TMEM62: variants seen among roughly 807,000 people sequenced by gnomAD.
TMEM62 encodes transmembrane protein 62.
Under a neutral mutation model 70.4 loss-of-function variants are expected in TMEM62, and 41 were observed. The ratio of observed to expected loss-of-function variants is 0.58; its 90% CI spans 0.45 to 0.76. The LOEUF (loss-of-function observed/expected upper bound fraction) is 0.76. Among genes scored for constraint, TMEM62 ranks in the 30% least tolerant of loss-of-function variants. The probability of loss-of-function intolerance (pLI) is 0.00; values close to 1 mark genes in which losing one functional copy is unlikely to be tolerated. For missense variants in TMEM62, 688 were observed against 788.5 expected (o/e 0.87, Z 1.53); for synonymous variants, 268 against 291.0 (o/e 0.92, Z 0.80).
intron 9 of TMEM62, among the ~76,000 whole-genome samples, chr15:43,157,680 A>G (rs1596282139): frequency 6.6e-6 from 1 of 152,260 alleles, no homozygotes; most frequent in African/African-American, 2.4e-5. Flanking sequence ...CCCTCCCTGC[A>G]CCATGATGTC....
intron 9 of TMEM62, chr15:43,160,377 C>A: frequency 4.8e-6 from 1 of 208,102 alleles, no homozygotes; most frequent in Non-Finnish European, 9.6e-6. Context: ...ATAGCAAGAC[C>A]CCATCTCTAA....
chr15:43,146,618 T>C lies in TMEM62; in HGVS notation c.602T>C (p.Phe201Ser). 6.2e-7 allele frequency: 1 copy of C among 1,605,810 alleles called. No individual in the cohort carries two copies. The highest frequency in any genetic ancestry group is 8.5e-7 in the Non-Finnish European group (1 of 1,177,744). ...GGGCCTAAGAGACCCTATAATTTCT[T>C]TGGAATTTTAGATAAGGTGCAGTAA... ...NPGPKRPYNF[F>S]GILDKKKMEE... The change falls in exon 5 of 14, where the codon TTT (phenylalanine) becomes TCT (serine). Residue 201 changes from phenylalanine to serine, a missense_variant. Coordinates refer to ENST00000260403, the MANE Select transcript of TMEM62 (RefSeq NM_024956.4).
rs763636145 is a variant in TMEM62, at chr15:43,160,704, T to G, written c.1206T>G (p.Ser402Arg). The G allele has an allele frequency of 1.2e-6, 2 of 1,610,750 alleles. No individual in the cohort carries two copies. Residue 402 changes from serine to arginine, a missense_variant, in exon 10 of 14, where the codon AGT becomes AGG. Ser to Arg is a moderately radical substitution (Grantham distance 110). Transcript: ENST00000260403. ...AGGATTCTGCTGGAAGAAGTAAGAGTGTTCACCACATATTTTCTGTTCAAG... is the reference window on the plus strand; with the variant it reads ...AGGATTCTGCTGGAAGAAGTAAGAGGGTTCACCACATATTTTCTGTTCAAG... ...IVQDSAGRSKSVHHIFSVQEN... is the reference protein window; with the variant it reads ...IVQDSAGRSKRVHHIFSVQEN...
In TMEM62 at chr15:43,184,675, A is replaced by G. The variant is rs1001604468; in HGVS notation, c.*89A>G. The G allele has an allele frequency of 1.2e-5, 15 of 1,231,414 alleles. No individual in the cohort carries two copies. The African/African-American group carries it at 2.1e-4, about 17-fold the overall frequency. 76.3% of individuals were successfully genotyped at this position (1,231,414 alleles called of 1,614,324 possible). A position where few individuals can be genotyped will look rare whatever the true frequency, so the allele number is the denominator to read the frequency against. ...CTACCCCAGTAGCAGGTGGAGGGCCAGGATTGGTGGGTGAGCTTTAGGGAG... is the reference window on the plus strand; with the variant it reads ...CTACCCCAGTAGCAGGTGGAGGGCCGGGATTGGTGGGTGAGCTTTAGGGAG... On this transcript the variant is annotated 3_prime_UTR_variant, in exon 14 of 14. Transcript: ENST00000260403.
At chr15:43,155,188 C>T (rs2037894940) in intron 9 of TMEM62, among the ~76,000 whole-genome samples, 1 of 152,160 alleles carries the variant, frequency 6.6e-6, no homozygotes, top group African/African-American at 2.4e-5. Context: ...TGAGATTGCA[C>T]CACTGCACTC....
chr15:43,150,054 A>AC (rs769930205), intron 7 of TMEM62, among the ~76,000 whole-genome samples: 21 of 152,328 alleles, frequency 1.4e-4, no homozygotes, highest in Non-Finnish European at 2.8e-4. Flanking sequence ...TTTAATTTAC[A>AC]CAAACCCTGT....
intron 11 of TMEM62, among the ~76,000 whole-genome samples, chr15:43,173,392 T>A (rs1567233538): frequency 6.6e-6 from 1 of 152,202 alleles, no homozygotes; most frequent in Non-Finnish European, 1.5e-5. Context: ...CATCCATAGA[T>A]CACTTCTGTA....
intron 4 of TMEM62, 90 bp downstream of exon 4, chr15:43,138,709 A>G: frequency 8.8e-7 from 1 of 1,141,386 alleles, no homozygotes; most frequent in Non-Finnish European, 1.3e-6. Flanking sequence ...AAAACTTTAA[A>G]AAAACATTTT....
intron 12 of TMEM62, chr15:43,180,530 A>T (rs2041232391): frequency 6.6e-6 from 1 of 152,204 alleles, no homozygotes; most frequent in South Asian, 2.1e-4. Context: ...AATGACAATA[A>T]TAATAATAAT....
chr15:43,138,972 T>C (rs2035622853), intron 4 of TMEM62, among the ~76,000 whole-genome samples: 1 of 152,268 alleles, frequency 6.6e-6, no homozygotes, highest in Non-Finnish European at 1.5e-5. Flanking sequence ...TTCTGTTTCA[T>C]ATACAGGCAT....
At chr15:43,141,447 G>A (rs2035993296) in intron 4 of TMEM62, among the ~76,000 whole-genome samples, 2 of 152,334 alleles carry the variant, frequency 1.3e-5, no homozygotes, top group South Asian at 4.1e-4. Context: ...CCACTATTGA[G>A]AACTACTGCT....
In TMEM62 at chr15:43,133,932, C is replaced by A; in HGVS notation, c.130C>A (p.Pro44Thr). ...GCCGCGCCCCGCGCCCCCCAGGAGG[C>A]CGCACCCTGCGCCAGGGCCCGGAGA... ...PLPRPAPPRRPHPAPGPGDSN... is the reference protein window; with the variant it reads ...PLPRPAPPRRTHPAPGPGDSN... The change falls in exon 1 of 14, where the codon CCG (proline) becomes ACG (threonine). Residue 44 changes from proline to threonine, a missense_variant. Physicochemically the swap from Pro to Thr is conservative, Grantham distance 38 (BLOSUM62 -1). Transcript: ENST00000260403. The A allele has an allele frequency of 1.4e-6, 2 of 1,481,128 alleles. No homozygotes were observed. The highest frequency in any genetic ancestry group is 2.4e-5 in the Admixed American group (1 of 41,246). 91.7% of individuals were successfully genotyped at this position (1,481,128 alleles called of 1,614,324 possible).
intron 10 of TMEM62, among the ~76,000 whole-genome samples, chr15:43,168,012 C>G (rs1036994803): frequency 2.7e-5 from 4 of 150,368 alleles, no homozygotes; most frequent in Non-Finnish European, 4.4e-5. Context: ...CAATCGCAGG[C>G]ACTCGGCAGG....
chr15:43,146,407 G>A, intron 4 of TMEM62, 86 bp from the exon 5 acceptor site: 1 of 1,274,024 alleles, frequency 7.8e-7, no homozygotes, highest in African/African-American at 1.5e-5. Context: ...GTTTTCAAAG[G>A]AAGGTAAAAT....
At chr15:43,134,034 C>T in intron 1 of TMEM62, 52 bp downstream of exon 1, 2 of 1,435,412 alleles carry the variant, frequency 1.4e-6, no homozygotes, top group Non-Finnish European at 1.8e-6. Flanking sequence ...GGGCACCGTG[C>T]GGTGGGACCC....
chr15:43,142,668 T>TG (rs1413311603), intron 4 of TMEM62, among the ~76,000 whole-genome samples: 1 of 151,776 alleles, frequency 6.6e-6, no homozygotes, highest in Admixed American at 6.6e-5. Flanking sequence ...GGTTTTTTTT[T>TG]GTTTTTTTGG....
At chr15:43,147,658 A>C (rs1042794324) in intron 5 of TMEM62, among the ~76,000 whole-genome samples, 1 of 152,244 alleles carries the variant, frequency 6.6e-6, no homozygotes, top group Non-Finnish European at 1.5e-5. Flanking sequence ...TGTCAAATGC[A>C]TTGTGTTACT....
At chr15:43,134,894 G>A (rs2141432013) in intron 2 of TMEM62, among the ~76,000 whole-genome samples, 1 of 152,280 alleles carries the variant, frequency 6.6e-6, no homozygotes, top group Middle Eastern at 3.4e-3. Context: ...CTGTAATGGG[G>A]AGAAGAAGCT....
chr15:43,170,032 G>T (rs923047932), intron 11 of TMEM62, among the ~76,000 whole-genome samples: 1 of 152,180 alleles, frequency 6.6e-6, no homozygotes, highest in Non-Finnish European at 1.5e-5. Context: ...TCTAAAACTT[G>T]TCAGCAGAAA....
Sources: gnomAD v4.1 joint callset for allele counts (sites outside exome capture counted in the v4.1 genomes callset) on GRCh38, gnomAD v4.1.1 for gene constraint, MANE v1.5 for transcripts, NCBI Gene and HGNC (gene_info 2026-07-23, HGNC 2026-07-21) for gene names.